The following XKR4 variants were observed in gnomAD, a reference collection of about 807,000 sequenced individuals.
XKR4 encodes the protein XK related 4, also known as XK-related protein 4.
In XKR4, 12 loss-of-function variants were observed where a neutral mutation model predicts 53.9. The ratio of observed to expected loss-of-function variants is 0.22; its 90% confidence interval spans 0.14 to 0.36. XKR4 has a LOEUF of 0.36. XKR4 is among the 10% of genes least tolerant of loss of function. XKR4 has a pLI of 1.00. For missense variants in XKR4, 799 were observed against 859.5 expected, an observed-to-expected ratio of 0.93 and a Z score of 0.88; for synonymous variants, 354 against 362.4, an observed-to-expected ratio of 0.98 and a Z score of 0.26.
chr8:55,177,499 T>C (rs1817251599), intron 1 of XKR4, among the ~76,000 whole-genome samples: 1 of 152,204 alleles, frequency 6.6e-6, no homozygotes, highest in Non-Finnish European at 1.5e-5. Flanking sequence ...GCCCACCTTT[T>C]AATCTCTTCA....
At chr8:55,445,988 G>A (rs908719892) in intron 2 of XKR4, among the ~76,000 whole-genome samples, 1 of 152,152 alleles carries the variant, frequency 6.6e-6, no homozygotes, top group Non-Finnish European at 1.5e-5. Flanking sequence ...AAATCTCCTT[G>A]TGCTGTGTGA....
rs530306534 is a variant in XKR4 at position 55,266,034 on chromosome 8, T to C, written c.807-91644T>C. Among the ~76,000 whole-genome samples the C allele has an allele frequency of 9.9e-5, 15 of 151,778 alleles. No individual in the cohort carries two copies. In the South Asian group the frequency reaches 1.1e-3, roughly 11 times the overall value. ...ATTTAAAAATTCTTAAATATAGGCA[T>C]GTAGTCCCAGCTACTTGAGGGCCTG... On this transcript the variant is annotated intron_variant, in intron 1 of 2. Coordinates refer to ENST00000327381, the MANE Select transcript of XKR4 (RefSeq NM_052898.2).
chr8:55,422,622 G>A (rs1484317952), intron 2 of XKR4, among the ~76,000 whole-genome samples: 2 of 152,218 alleles, frequency 1.3e-5, no homozygotes, highest in Non-Finnish European at 2.9e-5. Context: ...AGCTGAGAAA[G>A]GTAGGCTGGA....
intron 2 of XKR4, among the ~76,000 whole-genome samples, chr8:55,410,243 A>C (rs1056811303): frequency 6.6e-6 from 1 of 152,036 alleles, no homozygotes. Context: ...AAGGTACTCC[A>C]ATCGGCCTCA....
intron 1 of XKR4, among the ~76,000 whole-genome samples, chr8:55,293,857 GAAATA>G (rs774979568): frequency 2.0e-5 from 3 of 152,084 alleles, no homozygotes; most frequent in Non-Finnish European, 4.4e-5. Context: ...TCATAGTTAG[GAAATA>G]AAATACTTAG....
At chr8:55,250,671 T>C (rs548028875) in intron 1 of XKR4, among the ~76,000 whole-genome samples, 26 of 152,248 alleles carry the variant, frequency 1.7e-4, no homozygotes, top group Admixed American at 4.6e-4. Flanking sequence ...ATTTGCACTT[T>C]CTAATATCTA....
chr8:55,402,801 G>A (rs1008475353), intron 2 of XKR4, among the ~76,000 whole-genome samples: 5 of 152,154 alleles, frequency 3.3e-5, no homozygotes, highest in Non-Finnish European at 5.9e-5. Flanking sequence ...AGGGCCACGG[G>A]CAGGTTCACA....
rs149022132 is a variant in XKR4 at position 55,189,690 on chromosome 8, A to T, written c.806+86396A>T. ...TATAATCTTATGGGACCACTATGGTAAGTGAGGTCTGCTGTTGACCAAAAC... is the reference window on the plus strand; with the variant it reads ...TATAATCTTATGGGACCACTATGGTTAGTGAGGTCTGCTGTTGACCAAAAC... On this transcript the variant is annotated intron_variant, in intron 1 of 2. Coordinates refer to ENST00000327381, the MANE Select transcript of XKR4 (RefSeq NM_052898.2). 4.6e-5 allele frequency among the ~76,000 whole-genome samples: 7 copies of T among 152,348 alleles called. No individual in the cohort carries two copies. In the East Asian group the frequency reaches 5.8e-4, roughly 13 times the overall value.
rs1804327830 is a variant in XKR4 at position 55,386,959 on chromosome 8, G to A, written c.1006+29082G>A. ...GCAGTTATTAACAATACTATATGTT[G>A]CATAAAATACTATGCAAGTCACAGA... On this transcript the variant is annotated intron_variant, in intron 2 of 2. Transcript: ENST00000327381. Among the ~76,000 whole-genome samples the A allele has an allele frequency of 3.9e-5, 6 of 152,238 alleles. No homozygotes were observed. In the South Asian group the frequency reaches 1.2e-3, roughly 32 times the overall value.
At chr8:55,133,930 A>G (rs1280167749) in intron 1 of XKR4, among the ~76,000 whole-genome samples, 1 of 152,268 alleles carries the variant, frequency 6.6e-6, no homozygotes, top group Admixed American at 6.5e-5. Context: ...TGCATTGCTC[A>G]GAAGTGAAAA....
At chr8:55,409,863 A>C (rs1804749641) in intron 2 of XKR4, among the ~76,000 whole-genome samples, 1 of 152,222 alleles carries the variant, frequency 6.6e-6, no homozygotes. Context: ...ATTGCTGAGA[A>C]AGTGGAGAAA....
chr8:55,179,907 G>A (rs1348237752), intron 1 of XKR4, among the ~76,000 whole-genome samples: 1 of 152,084 alleles, frequency 6.6e-6, no homozygotes, highest in African/African-American at 2.4e-5. Context: ...TTCAATGAAA[G>A]CTGGAAAATT....
chr8:55,333,389 A>G (rs1342482891), intron 1 of XKR4, among the ~76,000 whole-genome samples: 1 of 152,096 alleles, frequency 6.6e-6, no homozygotes, highest in Non-Finnish European at 1.5e-5. Flanking sequence ...ACCTTCATTA[A>G]TCAGCTCAAA....
chr8:55,455,439 C>T (rs1247228865), intron 2 of XKR4, among the ~76,000 whole-genome samples: 1 of 152,152 alleles, frequency 6.6e-6, no homozygotes, highest in East Asian at 1.9e-4. Context: ...AGTAATTTTA[C>T]CAACCTGAAG....
Position 55,367,092 on chromosome 8 carries a change from G to A in XKR4, c.1006+9215G>A, listed in dbSNP as rs116871025. Among the ~76,000 whole-genome samples the A allele has an allele frequency of 3.8e-3, 580 of 152,294 alleles. 19 individuals carry two copies. The East Asian group carries it at 0.051, about 13-fold the overall frequency. On this transcript the variant is annotated intron_variant, in intron 2 of 2. Coordinates refer to ENST00000327381, the MANE Select transcript of XKR4 (RefSeq NM_052898.2). The stretch of plus-strand genomic sequence containing the variant: ...GTGAGAAACTACTCCCAAGGTCAAA[G>A]GAAGAGCGTTTTCAGCATCACAGAA...
At chr8:55,237,996 A>C (rs923980097) in intron 1 of XKR4, among the ~76,000 whole-genome samples, 3 of 152,160 alleles carry the variant, frequency 2.0e-5, no homozygotes, top group Non-Finnish European at 4.4e-5. Flanking sequence ...GAAGGAAAAA[A>C]AGAAAAGAAA....
intron 2 of XKR4, among the ~76,000 whole-genome samples, chr8:55,511,512 A>C (rs1806625955): frequency 6.6e-6 from 1 of 151,502 alleles, no homozygotes; most frequent in Non-Finnish European, 1.5e-5. Context: ...AGGAACCCCC[A>C]CATATAGGGA....
At chr8:55,518,493 G>C (rs1003936790) in intron 2 of XKR4, among the ~76,000 whole-genome samples, 21 of 152,152 alleles carry the variant, frequency 1.4e-4, no homozygotes, top group Non-Finnish European at 2.9e-4. Flanking sequence ...AAGACCCTCT[G>C]TAGTGAGAAA....
At chr8:55,204,859 C>T (rs1332143406) in intron 1 of XKR4, among the ~76,000 whole-genome samples, 1 of 152,146 alleles carries the variant, frequency 6.6e-6, no homozygotes, top group Admixed American at 6.5e-5. Flanking sequence ...AAGAATGACT[C>T]GGTGATACAT....
Sources: gnomAD v4.1 joint callset for allele counts (sites outside exome capture counted in the v4.1 genomes callset) on GRCh38, gnomAD v4.1.1 for gene constraint, MANE v1.5 for transcripts, NCBI Gene and HGNC (gene_info 2026-07-23, HGNC 2026-07-21) for gene names.